Variants in SH2D4A observed in about 807,000 individuals in gnomAD.
The protein encoded by SH2D4A is SH2 domain-containing protein 4A.
SH2D4A carries 70 observed loss-of-function variants against 64.7 expected under a neutral mutation model. The observed-to-expected ratio is 1.08, with a 90% CI of 0.89 to 1.32. SH2D4A has a LOEUF of 1.32. Ranked by LOEUF, SH2D4A falls within the 40% of genes most tolerant of loss-of-function variation. The probability of loss-of-function intolerance (pLI) is 0.00; values close to 1 mark genes in which losing one functional copy is unlikely to be tolerated. For synonymous variants in SH2D4A, 268 were observed against 200.7 expected (o/e 1.34, Z -2.83); for missense variants, 706 against 540.1 (o/e 1.31, Z -3.04).
chr8:19,314,168 G>A, intron 1 of SH2D4A: 1 of 956,762 alleles, frequency 1.0e-6, no homozygotes, highest in Non-Finnish European at 1.3e-6. Flanking sequence ...AGGACCTTCG[G>A]GGAAGTTCTG....
chr8:19,340,832 G>A (rs771606687), intron 4 of SH2D4A, among the ~76,000 whole-genome samples: 2 of 151,920 alleles, frequency 1.3e-5, no homozygotes. Flanking sequence ...TCCTGGGCTC[G>A]AGTGATCCTC....
intron 8 of SH2D4A, among the ~76,000 whole-genome samples, chr8:19,380,119 C>G (rs1389552877): frequency 6.6e-6 from 1 of 152,136 alleles, no homozygotes; most frequent in Admixed American, 6.6e-5. Context: ...TTGCATTTCC[C>G]TAATGACTAG....
At chr8:19,343,194 G>A (rs1210189177) in intron 4 of SH2D4A, among the ~76,000 whole-genome samples, 2 of 152,148 alleles carry the variant, frequency 1.3e-5, no homozygotes, top group East Asian at 3.9e-4. Flanking sequence ...GGAGGCCGAG[G>A]CAGGTGGATT....
chr8:19,389,762 C>T (rs779960986), intron 8 of SH2D4A, among the ~76,000 whole-genome samples: 1 of 152,074 alleles, frequency 6.6e-6, no homozygotes, highest in Non-Finnish European at 1.5e-5. Flanking sequence ...GAAAATTGGC[C>T]AGGCATGGTG....
chr8:19,393,826 G>A (rs2053540584), intron 9 of SH2D4A, among the ~76,000 whole-genome samples: 1 of 152,190 alleles, frequency 6.6e-6, no homozygotes, highest in Non-Finnish European at 1.5e-5. Flanking sequence ...GATCACATAT[G>A]ACAGCAATCC....
At chr8:19,364,831 T>C (rs2052964520) in intron 7 of SH2D4A, among the ~76,000 whole-genome samples, 1 of 152,218 alleles carries the variant, frequency 6.6e-6, no homozygotes, top group South Asian at 2.1e-4. Context: ...GCCTCCTTTT[T>C]TAGATGAATT....
intron 8 of SH2D4A, among the ~76,000 whole-genome samples, chr8:19,392,741 T>C (rs1472664454): frequency 1.3e-5 from 2 of 152,032 alleles, no homozygotes; most frequent in Non-Finnish European, 2.9e-5. Context: ...TCCTTTTTTT[T>C]TTGTTTTGTT....
chr8:19,386,385 T>C (rs577276834), intron 8 of SH2D4A, among the ~76,000 whole-genome samples: 17 of 152,350 alleles, frequency 1.1e-4, no homozygotes, highest in African/African-American at 3.4e-4. Context: ...CATAAATTAG[T>C]GCAGCAGGCT....
intron 8 of SH2D4A, among the ~76,000 whole-genome samples, chr8:19,385,219 T>TG (rs2053365642): frequency 6.6e-6 from 1 of 151,828 alleles, no homozygotes; most frequent in African/African-American, 2.4e-5. Flanking sequence ...TTTTGTTTTT[T>TG]TTTTTTTTGA....
chr8:19,394,641 G>GACAGCCTCCATCAGGGTCATCCT lies in SH2D4A; in HGVS notation c.*10_*32dup, dbSNP rs764662192. The GACAGCCTCCATCAGGGTCATCCT allele has an allele frequency of 6.2e-7, 1 of 1,604,826 alleles. No homozygotes were observed. Among genetic ancestry groups the GACAGCCTCCATCAGGGTCATCCT allele is most frequent in the African/African-American group, 1.3e-5 (1 of 74,736 alleles). ...CCTGACTACCTGGAGCTGTTTGAGT[G>GACAGCCTCCATCAGGGTCATCCT]ACAGCCTCCATCAGGGTCATCCTAC... On this transcript the variant is annotated frameshift_variant and stop_retained_variant, in exon 10 of 10. Transcript: ENST00000265807. LOFTEE classifies it high-confidence loss of function.
chr8:19,385,778 ATTTC>A (rs1292917887), intron 8 of SH2D4A, among the ~76,000 whole-genome samples: 3 of 152,010 alleles, frequency 2.0e-5, no homozygotes, highest in Non-Finnish European at 4.4e-5. Flanking sequence ...GCTTCCCAAA[ATTTC>A]TTTCTGTCTA....
At chr8:19,349,517 G>A (rs2052663788) in intron 4 of SH2D4A, among the ~76,000 whole-genome samples, 3 of 152,228 alleles carry the variant, frequency 2.0e-5, no homozygotes. Flanking sequence ...GGAGATATTA[G>A]CATTGATTCA....
At position 19,394,920 on chromosome 8, in the gene SH2D4A, TAAAAC is replaced by T. The variant is rs1230139392; in HGVS notation, c.*282_*286del. The T allele has an allele frequency of 1.9e-5, 5 of 256,788 alleles. No homozygotes were observed. The highest frequency in any genetic ancestry group is 1.1e-4 in the Admixed American group (2 of 18,168). 15.9% of individuals were successfully genotyped at this position (256,788 alleles called of 1,614,324 possible). The stretch of plus-strand genomic sequence containing the variant: ...TATGACCTTAATGATGTACATAAAA[TAAAAC>T]AAATGAAGAAATGGAAAACTTTTAG... On this transcript the variant is annotated 3_prime_UTR_variant, in exon 10 of 10. Coordinates refer to ENST00000265807, the MANE Select transcript of SH2D4A (RefSeq NM_022071.4).
chr8:19,368,790 T>C (rs1240226408), intron 7 of SH2D4A, among the ~76,000 whole-genome samples: 1 of 152,138 alleles, frequency 6.6e-6, no homozygotes, highest in Admixed American at 6.5e-5. Context: ...ACAGACAATT[T>C]GAGTTCCTCT....
rs1159245319 is a variant in SH2D4A, at chr8:19,382,823, C to CTTTTTTTTTTTTTTTTTTTTT, written c.1048+9168_1048+9188dup. Among the ~76,000 whole-genome samples the CTTTTTTTTTTTTTTTTTTTTT allele has an allele frequency of 4.6e-4, 30 of 64,628 alleles. 1 individual carries two copies. The highest frequency in any genetic ancestry group is 5.8e-4 in the Non-Finnish European group (20 of 34,650). 42.4% of individuals were successfully genotyped at this position (64,628 alleles called of 152,430 possible). A position where few individuals can be genotyped will look rare whatever the true frequency, so the allele number is the denominator to read the frequency against. ...TTTCTCTCTTGCTGCTTTTAAGATT[C>CTTTTTTTTTTTTTTTTTTTTT]TTTTTTTTTTTTTTTTTTTTTTTTT... On this transcript the variant is annotated intron_variant, in intron 8 of 9. Coordinates refer to ENST00000265807, the MANE Select transcript of SH2D4A (RefSeq NM_022071.4).
intron 1 of SH2D4A, among the ~76,000 whole-genome samples, chr8:19,318,580 C>T (rs1245215934): frequency 6.6e-6 from 1 of 152,158 alleles, no homozygotes; most frequent in African/African-American, 2.4e-5. Context: ...TTGTTATGAA[C>T]CTAATGACCT....
chr8:19,384,683 A>G (rs1487975744), intron 8 of SH2D4A, among the ~76,000 whole-genome samples: 1 of 152,220 alleles, frequency 6.6e-6, no homozygotes, highest in African/African-American at 2.4e-5. Flanking sequence ...ATGAGTCTCC[A>G]AAGTGTGTAG....
rs1208770402 is a variant in SH2D4A at position 19,360,920 on chromosome 8, T to G, written c.595-283T>G. The G allele has an allele frequency of 1.3e-5, 3 of 229,918 alleles. No homozygotes were observed. In the Admixed American group the frequency reaches 1.6e-4, roughly 12 times the overall value. The allele number at this position is 229,918 out of a possible 1,614,324, so 14.2% of individuals were successfully genotyped here. On this transcript the variant is annotated intron_variant, in intron 5 of 9. Transcript: ENST00000265807. The stretch of plus-strand genomic sequence containing the variant: ...TTCTTAAGTTATCTAATCCTCAATA[T>G]AACCCTAAGAAATATTTTTTTCTCA...
Position 19,361,269 on chromosome 8 carries a change from C to T in SH2D4A, c.661C>T (p.Gln221Ter). The T allele has an allele frequency of 6.2e-7, 1 of 1,611,984 alleles. No individual in the cohort carries two copies. ...TCAAATAGAAGAAGAGAGAACGAAG[C>T]AGATTTGTAAGAGCTGGAAAGAAGA... ...INQIEEERTK[Q>*]ICKSWKEDSE... is the part of the protein sequence containing the mutation. Residue 221 changes from glutamine to a stop codon, truncating the protein, a stop_gained, in exon 6 of 10, where the codon CAG becomes TAG. Coordinates refer to ENST00000265807, the MANE Select transcript of SH2D4A (RefSeq NM_022071.4). LOFTEE classifies it high-confidence loss of function.
Sources: allele counts gnomAD v4.1 joint callset (sites outside exome capture counted in the v4.1 genomes callset), GRCh38; gene constraint gnomAD v4.1.1; transcripts MANE v1.5; gene names NCBI Gene and HGNC (gene_info 2026-07-23, HGNC 2026-07-21).